Variants in CWF19L2 observed in about 807,000 individuals in gnomAD.
CWF19L2 encodes CWF19-like protein 2.
Under a neutral mutation model 111.7 loss-of-function variants are expected in CWF19L2, and 98 were observed. The ratio of observed to expected loss-of-function variants is 0.88; its 90% confidence interval spans 0.75 to 1.04. The LOEUF (loss-of-function observed/expected upper bound fraction) is 1.04. Ranked by LOEUF, CWF19L2 falls within the 50% of genes least tolerant of loss-of-function variation. The probability of loss-of-function intolerance (pLI) is 0.00; values close to 1 mark genes in which losing one functional copy is unlikely to be tolerated. For synonymous variants in CWF19L2, 351 were observed against 342.9 expected (o/e 1.02, Z -0.26); for missense variants, 1,101 against 1,051.4 (o/e 1.05, Z -0.65).
Position 107,391,167 on chromosome 11 carries a change from G to A in CWF19L2, c.1735-956C>T, listed in dbSNP as rs148967606. ...CTTCCTTGCTCCTCAGCTTGCAGAC[G>A]GCCTATGTAGGACTTTACCTTGTCA... On this transcript the variant is annotated intron_variant, in intron 11 of 17. Coordinates refer to ENST00000282251, the MANE Select transcript of CWF19L2 (RefSeq NM_152434.3). 6.2e-4 allele frequency among the ~76,000 whole-genome samples: 94 copies of A among 152,140 alleles called. 1 individual carries two copies. Among genetic ancestry groups the A allele is most frequent in the African/African-American group, 2.1e-3 (88 of 41,490 alleles).
intron 12 of CWF19L2, among the ~76,000 whole-genome samples, chr11:107,361,273 G>C (rs1305062398): frequency 1.3e-5 from 2 of 152,146 alleles, no homozygotes; most frequent in Non-Finnish European, 2.9e-5. Context: ...TAAATATGTG[G>C]CTTTATTTCA....
intron 12 of CWF19L2, among the ~76,000 whole-genome samples, chr11:107,378,684 G>A (rs1299828015): frequency 6.6e-6 from 1 of 152,090 alleles, no homozygotes; most frequent in African/African-American, 2.4e-5. Flanking sequence ...GAGTTAGTGG[G>A]TGCAGCGCAC....
chr11:107,350,451 A>G (rs1281152882), intron 13 of CWF19L2, among the ~76,000 whole-genome samples: 1 of 152,160 alleles, frequency 6.6e-6, no homozygotes, highest in Non-Finnish European at 1.5e-5. Flanking sequence ...ATTATCTTAT[A>G]AAAGAAGCCC....
chr11:107,442,406 G>A (rs1861630723), intron 4 of CWF19L2, among the ~76,000 whole-genome samples: 1 of 152,098 alleles, frequency 6.6e-6, no homozygotes, highest in Middle Eastern at 3.4e-3. Flanking sequence ...GATAGGCCAG[G>A]TGCAGTGGCT....
chr11:107,330,314 C>T (rs1026710829), intron 16 of CWF19L2, among the ~76,000 whole-genome samples: 16 of 152,094 alleles, frequency 1.1e-4, no homozygotes, highest in Non-Finnish European at 4.4e-5. Context: ...TTTAAAAATA[C>T]AAATGCAAAG....
chr11:107,364,661 C>T (rs1274056755), intron 12 of CWF19L2, among the ~76,000 whole-genome samples: 10 of 123,542 alleles, frequency 8.1e-5, no homozygotes, highest in Admixed American at 1.6e-4. Flanking sequence ...ATCTCTGGGA[C>T]GCATTCAAAG....
chr11:107,452,521 C>T (rs1468952151), intron 3 of CWF19L2, among the ~76,000 whole-genome samples: 3 of 152,256 alleles, frequency 2.0e-5, no homozygotes, highest in Middle Eastern at 3.4e-3. Flanking sequence ...AATATTTTAA[C>T]ATATCTATCT....
intron 5 of CWF19L2, among the ~76,000 whole-genome samples, chr11:107,439,741 T>C (rs1421732128): frequency 6.6e-6 from 1 of 152,200 alleles, no homozygotes; most frequent in Non-Finnish European, 1.5e-5. Flanking sequence ...ATAATTCTAA[T>C]TGGCTAAAAC....
chr11:107,439,359 A>G lies in CWF19L2; in HGVS notation c.571-176T>C, dbSNP rs567564645. On this transcript the variant is annotated intron_variant, in intron 5 of 17. Coordinates refer to ENST00000282251, the MANE Select transcript of CWF19L2 (RefSeq NM_152434.3). ...GAAATGTCTAAATTCACATTCATTCAATGTTCTTATTTAATGCCTACTATA... is the reference window on the plus strand; with the variant it reads ...GAAATGTCTAAATTCACATTCATTCGATGTTCTTATTTAATGCCTACTATA... Among the ~76,000 whole-genome samples the G allele has an allele frequency of 3.9e-5, 6 of 152,338 alleles. No individual in the cohort carries two copies. In the South Asian group the frequency reaches 1.2e-3, roughly 32 times the overall value.
intron 12 of CWF19L2, among the ~76,000 whole-genome samples, chr11:107,361,166 G>A (rs1425657635): frequency 2.0e-5 from 3 of 152,124 alleles, no homozygotes; most frequent in Non-Finnish European, 2.9e-5. Context: ...TACTTCTTCT[G>A]CATAGGGCAA....
chr11:107,379,939 T>C (rs1240249608), intron 12 of CWF19L2, among the ~76,000 whole-genome samples: 4 of 150,188 alleles, frequency 2.7e-5, no homozygotes, highest in African/African-American at 7.4e-5. Context: ...CAGGCCCCTA[T>C]AGTCCCAGCT....
At chr11:107,389,974 T>C in intron 12 of CWF19L2, 100 bp downstream of exon 12, 2 of 991,092 alleles carry the variant, frequency 2.0e-6, no homozygotes, top group Non-Finnish European at 3.0e-6. Context: ...ATAAAATGAA[T>C]CAAGATTAGA....
chr11:107,336,515 AT>A (rs1217102595), intron 15 of CWF19L2, 42 bp downstream of exon 15: 9 of 1,466,386 alleles, frequency 6.1e-6, no homozygotes, highest in Non-Finnish European at 8.4e-6. Flanking sequence ...AAATAGCACT[AT>A]AGCAAAAAAT....
At position 107,428,781 on chromosome 11, in the gene CWF19L2, T is replaced by A. The variant is rs1368293986; in HGVS notation, c.1433+18A>T. On this transcript the variant is annotated intron_variant, in intron 8 of 17. Transcript: ENST00000282251. ...CTCTCTGGATCTTAACTTATTAGGT[T>A]AAAAAATGATAAAATACCCAGCAAA... 6.4e-7 allele frequency: 1 copy of A among 1,574,420 alleles called. No homozygotes were observed. The highest frequency in any genetic ancestry group is 1.4e-5 in the African/African-American group (1 of 72,914).
At chr11:107,389,208 C>T (rs1860813708) in intron 12 of CWF19L2, among the ~76,000 whole-genome samples, 2 of 152,144 alleles carry the variant, frequency 1.3e-5, no homozygotes, top group African/African-American at 4.8e-5. Context: ...ACTCCCACTA[C>T]CAAAAAGTAA....
intron 9 of CWF19L2, 121 bp from the exon 10 acceptor site, chr11:107,416,419 T>C (rs1274701329): frequency 1.1e-5 from 4 of 380,018 alleles, no homozygotes; most frequent in Non-Finnish European, 1.8e-5. Context: ...AGCCTTCATC[T>C]AATTTCAATT....
intron 8 of CWF19L2, among the ~76,000 whole-genome samples, chr11:107,419,281 C>A (rs973139173): frequency 1.2e-4 from 18 of 152,086 alleles, no homozygotes; most frequent in South Asian, 2.1e-4. Context: ...CTGCTCTGGG[C>A]CCACCTAAAA....
intron 12 of CWF19L2, among the ~76,000 whole-genome samples, chr11:107,358,344 A>T (rs4754217): frequency 0.083 from 6,947 of 83,832 alleles, 312 homozygotes; most frequent in East Asian, 0.31. Context: ...CTGATGAGCT[A>T]AAAAAAAAAA....
chr11:107,411,272 A>C (rs1386868408), intron 10 of CWF19L2, among the ~76,000 whole-genome samples: 1 of 152,198 alleles, frequency 6.6e-6, no homozygotes, highest in Non-Finnish European at 1.5e-5. Context: ...TAGATGGTTA[A>C]GTAACTTTGC....
Sources: gnomAD v4.1 joint callset for allele counts (sites outside exome capture counted in the v4.1 genomes callset) on GRCh38, gnomAD v4.1.1 for gene constraint, MANE v1.5 for transcripts, NCBI Gene and HGNC (gene_info 2026-07-23, HGNC 2026-07-21) for gene names.